ZNF425: variants seen among roughly 807,000 people sequenced by gnomAD.
ZNF425 encodes zinc finger protein 425.
A neutral mutation model predicts 17.0 loss-of-function variants in ZNF425; 21 were observed. The observed-to-expected ratio is 1.23, with a 90% CI of 0.88 to 1.78. The LOEUF (loss-of-function observed/expected upper bound fraction) is 1.78. Ranked by LOEUF, ZNF425 falls within the 40% of genes most tolerant of loss-of-function variation. The pLI, the probability that ZNF425 is intolerant of heterozygous loss-of-function variation, is 0.00. For synonymous variants in ZNF425, 433 were observed against 384.1 expected (o/e 1.13, Z -1.49); for missense variants, 868 against 967.3 (o/e 0.90, Z 1.36).
intron 1 of ZNF425, among the ~76,000 whole-genome samples, chr7:149,121,880 C>G (rs566579067): frequency 2.0e-4 from 31 of 151,734 alleles, no homozygotes; most frequent in African/African-American, 7.5e-4. Flanking sequence ...TGAAAATATT[C>G]TCTTTGGCAA....
rs1053080376 is a variant in ZNF425, at chr7:149,104,908, C to T, written c.963G>A (p.Leu321=). The T allele has an allele frequency of 3.1e-6, 5 of 1,613,658 alleles. No homozygotes were observed. Among genetic ancestry groups the T allele is most frequent in the Non-Finnish European group, 4.2e-6 (5 of 1,179,928 alleles). Residue 321 remains leucine, a synonymous_variant, in exon 4 of 4, where the codon TTG becomes TTA. Coordinates refer to ENST00000378061, the MANE Select transcript of ZNF425 (RefSeq NM_001001661.3). This position sits in a 1 kb window ranked among gnomAD's most constrained non-coding sequence, Gnocchi z 4.3. ...AGGGCTTCTCTCCGCTGTGCAGCCG[C>T]AAGTGCTCCGTGAGCTCGCACTGCT... ...FVQQCELTEH[L]RLHSGEKPFQ...
chr7:149,107,944 C>T, intron 3 of ZNF425, among the ~76,000 whole-genome samples: 1 of 151,872 alleles, frequency 6.6e-6, no homozygotes, highest in East Asian at 1.9e-4. Context: ...CATTTCACTG[C>T]AGCCTTGACC....
At chr7:149,114,580 G>C (rs1826228335) in intron 2 of ZNF425, among the ~76,000 whole-genome samples, 1 of 151,426 alleles carries the variant, frequency 6.6e-6, no homozygotes, top group African/African-American at 2.4e-5. Flanking sequence ...TGTATTTTTA[G>C]TAGCGATGGG....
chr7:149,111,091 G>A (rs111395341), intron 3 of ZNF425, among the ~76,000 whole-genome samples: 6,797 of 151,798 alleles, frequency 0.045, 515 homozygotes, highest in African/African-American at 0.15. Flanking sequence ...CATCACGCCC[G>A]GCCATCCCTT....
chr7:149,105,112 C>G lies in ZNF425; in HGVS notation c.759G>C (p.Lys253Asn), dbSNP rs374928838. 1.9e-6 allele frequency: 3 copies of G among 1,614,240 alleles called. No individual in the cohort carries two copies. The highest frequency in any genetic ancestry group is 1.7e-6 in the Non-Finnish European group (2 of 1,180,044). The part of the protein sequence containing the change: ...KKRFQCSECE[K>N]SYFLKGSLVT... ...CGAGGCTGCCCTTCAGGAAGTAGCT[C>G]TTCTCACACTCACTGCACTGGAACC... The change falls in exon 4 of 4, where the codon AAG becomes AAC. Residue 253 changes from lysine to asparagine, a missense_variant. Physicochemically the swap from Lys to Asn is moderately conservative, Grantham distance 94. Coordinates refer to ENST00000378061, the MANE Select transcript of ZNF425 (RefSeq NM_001001661.3).
Position 149,104,017 on chromosome 7 carries a change from A to G in ZNF425, c.1854T>C (p.Thr618=). Reference sequence around the variant, plus strand: ...TTTTCAGGTTTCCCTTGAGGCGGAAAGTCTTCTCGCATTCAGGACACTGGT... The same window carrying G: ...TTTTCAGGTTTCCCTTGAGGCGGAAGGTCTTCTCGCATTCAGGACACTGGT... The part of the protein sequence containing the change: ...KPYQCPECEK[T]FRLKGNLKSH... Residue 618 remains threonine, a synonymous_variant, in exon 4 of 4, where the codon ACT becomes ACC. Coordinates refer to ENST00000378061, the MANE Select transcript of ZNF425 (RefSeq NM_001001661.3). The surrounding 1 kb of genome is among the most constrained non-coding windows in gnomAD (Gnocchi z 4.3). 6.2e-7 allele frequency: 1 copy of G among 1,613,588 alleles called. No homozygotes were observed. Among genetic ancestry groups the G allele is most frequent in the Non-Finnish European group, 8.5e-7 (1 of 1,179,728 alleles).
At chr7:149,121,637 A>G (rs1177516526) in intron 1 of ZNF425, among the ~76,000 whole-genome samples, 5 of 150,702 alleles carry the variant, frequency 3.3e-5, no homozygotes, top group African/African-American at 1.2e-4. Context: ...TGATCCGCCC[A>G]CCTCGGCCTC....
At position 149,118,261 on chromosome 7, in the gene ZNF425, G is replaced by C. The variant is rs916341415; in HGVS notation, c.106C>G (p.Gln36Glu). ...LEKWQKQMYK[Q>E]EMKTNYETLD... ...GTCTCGTAATTGGTCTTCATCTCTT[G>C]CTTATACATTTGCTTCTGCCACTTC... Residue 36 changes from glutamine to glutamate, a missense_variant, in exon 2 of 4, where the codon CAA becomes GAA. Physicochemically the swap from Gln to Glu is conservative, Grantham distance 29. This residue lies in a region of ZNF425 where 179 missense variants were observed against 216.3 expected (regional missense o/e 0.83). Transcript: ENST00000378061. The C allele has an allele frequency of 1.2e-6, 2 of 1,613,934 alleles. No individual in the cohort carries two copies. Among genetic ancestry groups the C allele is most frequent in the African/African-American group, 1.3e-5 (1 of 74,914 alleles).
intron 2 of ZNF425, among the ~76,000 whole-genome samples, chr7:149,117,724 C>A (rs896011391): frequency 4.2e-5 from 5 of 120,098 alleles, no homozygotes; most frequent in Non-Finnish European, 7.9e-5. Context: ...ACGATCTTGG[C>A]TCAATGCAAC....
chr7:149,103,752 T>C lies in ZNF425; in HGVS notation c.2119A>G (p.Arg707Gly), dbSNP rs774828302. 8 of 1,614,052 alleles carry C rather than the reference T, an allele frequency of 5.0e-6. No individual in the cohort carries two copies. In the East Asian group the frequency reaches 1.8e-4, roughly 36 times the overall value. Reference sequence around the variant, plus strand: ...AGGCACAGATGGGCCTTCAGGCTTCTCTTCTGGAGGAAGCCTTTGCCACAC... The same window carrying C: ...AGGCACAGATGGGCCTTCAGGCTTCCCTTCTGGAGGAAGCCTTTGCCACAC... ...PECGKGFLQK[R>G]SLKAHLCLHS... The change falls in exon 4 of 4, where the codon AGA (arginine) becomes GGA (glycine). Residue 707 changes from arginine to glycine, a missense_variant. Transcript: ENST00000378061.
chr7:149,103,387 T>G lies in ZNF425; in HGVS notation c.*225A>C. The G allele has an allele frequency of 1.9e-6, 1 of 531,454 alleles. No individual in the cohort carries two copies. The highest frequency in any genetic ancestry group is 3.2e-6 in the Non-Finnish European group (1 of 312,034). The allele number at this position is 531,454 out of a possible 1,614,324, so 32.9% of individuals were successfully genotyped here. ...CATGCACCACAACGCCTGGCTGACT[T>G]TTATATTTTTTGTAGAGATGGAGTC... On this transcript the variant is annotated 3_prime_UTR_variant, in exon 4 of 4. Coordinates refer to ENST00000378061, the MANE Select transcript of ZNF425 (RefSeq NM_001001661.3).
chr7:149,124,231 CT>C (rs1333303075), intron 1 of ZNF425, among the ~76,000 whole-genome samples: 1 of 151,346 alleles, frequency 6.6e-6, no homozygotes, highest in African/African-American at 2.4e-5. Context: ...TCTTGGCTCA[CT>C]GCAAGCTCCA....
chr7:149,114,052 C>T (rs1826216138), intron 2 of ZNF425, among the ~76,000 whole-genome samples: 1 of 150,246 alleles, frequency 6.7e-6, no homozygotes, highest in East Asian at 2.0e-4. Context: ...GTTTAAATAT[C>T]CTCTGCAATA....
chr7:149,107,357 A>T (rs1826098548), intron 3 of ZNF425, among the ~76,000 whole-genome samples: 1 of 141,980 alleles, frequency 7.0e-6, no homozygotes, highest in African/African-American at 2.7e-5. Flanking sequence ...TTTTTTTCTG[A>T]GACAGAGTCT....
chr7:149,117,931 C>A (rs9784999), intron 2 of ZNF425, among the ~76,000 whole-genome samples: 1 of 151,900 alleles, frequency 6.6e-6, no homozygotes, highest in African/African-American at 2.4e-5. Flanking sequence ...GGATTACAGG[C>A]GTGAGCCACC....
chr7:149,111,619 A>AAAAAAAAAT (rs1563146538), intron 3 of ZNF425, among the ~76,000 whole-genome samples: 1 of 145,672 alleles, frequency 6.9e-6, no homozygotes, highest in African/African-American at 2.5e-5. Context: ...AAAAAAAAAA[A>AAAAAAAAAT]AATTATATAT....
At chr7:149,119,696 G>T (rs761245569) in intron 1 of ZNF425, among the ~76,000 whole-genome samples, 1 of 152,094 alleles carries the variant, frequency 6.6e-6, no homozygotes, top group Non-Finnish European at 1.5e-5. Context: ...TGGGAAGACT[G>T]CTTGAGCTCA....
intron 1 of ZNF425, among the ~76,000 whole-genome samples, chr7:149,124,849 GT>G (rs1340444840): frequency 6.6e-6 from 1 of 152,170 alleles, no homozygotes; most frequent in Non-Finnish European, 1.5e-5. Context: ...CCACCCATGT[GT>G]TTTCCACCTA....
rs1826047409 is a variant in ZNF425, at chr7:149,104,755, G to C, written c.1116C>G (p.Ala372=). ...TGTGCGTCCTCTGGTGGGTCTTCAG[G>C]GCAGCCTTCCGGGAGAAGCTCCGGC... is the stretch of plus-strand genomic sequence containing the variant. ...ECGRSFSRKA[A]LKTHQRTHSE... Residue 372 remains alanine (A), a synonymous_variant, in exon 4 of 4, where the codon GCC becomes GCG. Transcript: ENST00000378061. The surrounding 1 kb of genome is among the most constrained non-coding windows in gnomAD (Gnocchi z 4.3). The C allele has an allele frequency of 6.2e-7, 1 of 1,613,124 alleles. No homozygotes were observed.
Sources: gnomAD v4.1 joint callset for allele counts (sites outside exome capture counted in the v4.1 genomes callset) on GRCh38, gnomAD v4.1.1 for gene constraint, gnomAD v4.1.1 regional missense constraint, Gnocchi (gnomAD v3.1) non-coding constraint, MANE v1.5 for transcripts, NCBI Gene and HGNC (gene_info 2026-07-23, HGNC 2026-07-21) for gene names.